DNAH12: variants seen among roughly 807,000 people sequenced by gnomAD.
DNAH12 encodes the protein axonemal beta dynein heavy chain 12.
In DNAH12, 285 loss-of-function variants were observed where a neutral mutation model predicts 371.5. The observed-to-expected ratio is 0.77, with a 90% confidence interval of 0.70 to 0.85. The LOEUF is 0.85. Ranked by LOEUF, DNAH12 falls within the 40% of genes least tolerant of loss-of-function variation. DNAH12 has a pLI of 0.00. For synonymous variants in DNAH12, 1,200 were observed against 1,213.0 expected (o/e 0.99, Z 0.22); for missense variants, 3,611 against 3,689.4 (o/e 0.98, Z 0.55).
chr3:57,483,789 A>T (rs1226641877), intron 12 of DNAH12, among the ~76,000 whole-genome samples: 1 of 151,296 alleles, frequency 6.6e-6, no homozygotes, highest in Non-Finnish European at 1.5e-5. Flanking sequence ...CTACAAAAAA[A>T]AAAAATACAA....
At chr3:57,483,582 T>C (rs777301132) in intron 12 of DNAH12, 71 bp from the exon 13 acceptor site, 61 of 1,407,528 alleles carry the variant, frequency 4.3e-5, no homozygotes, top group Middle Eastern at 2.0e-4. Context: ...ATGTGTGTTA[T>C]GACGATTACT....
At chr3:57,341,702 G>C (rs2062403372) in intron 60 of DNAH12, among the ~76,000 whole-genome samples, 1 of 151,470 alleles carries the variant, frequency 6.6e-6, no homozygotes, top group South Asian at 2.1e-4. Flanking sequence ...GTGATCAAAA[G>C]ATTCAATGCA....
intron 2 of DNAH12, among the ~76,000 whole-genome samples, chr3:57,540,859 G>C (rs937132884): frequency 6.6e-6 from 1 of 151,908 alleles, no homozygotes; most frequent in Non-Finnish European, 1.5e-5. Flanking sequence ...GAGTCCAGGA[G>C]GTTGAGGCTC....
At chr3:57,307,910 A>T (rs1020134463) in intron 69 of DNAH12, among the ~76,000 whole-genome samples, 1 of 152,164 alleles carries the variant, frequency 6.6e-6, no homozygotes, top group Admixed American at 6.5e-5. Flanking sequence ...AAGGCAGGCT[A>T]TGCTATAGTA....
chr3:57,336,621 C>T lies in DNAH12; in HGVS notation c.9675-1681G>A, dbSNP rs147353605. 5.3e-3 allele frequency among the ~76,000 whole-genome samples: 804 copies of T among 151,962 alleles called. 10 individuals carry two copies. The highest frequency in any genetic ancestry group is 0.019 in the African/African-American group (781 of 41,424). On this transcript the variant is annotated intron_variant, in intron 60 of 73. Transcript: ENST00000495027. ...AGATAATTGGAACTCTGGATCTACA[C>T]CAAAGAATAAAGAACAATAGAAATG...
chr3:57,496,474 C>T (rs868122091), intron 11 of DNAH12, among the ~76,000 whole-genome samples: 3 of 152,018 alleles, frequency 2.0e-5, no homozygotes, highest in Non-Finnish European at 4.4e-5. Context: ...CAGCGCCCTC[C>T]CATGATAAAA....
intron 66 of DNAH12, among the ~76,000 whole-genome samples, chr3:57,311,649 A>G (rs1287037599): frequency 6.6e-6 from 1 of 152,176 alleles, no homozygotes; most frequent in Admixed American, 6.5e-5. Flanking sequence ...ATTGGGTAGA[A>G]GCCTGGGCTG....
At chr3:57,395,092 A>C (rs2063709670) in intron 43 of DNAH12, among the ~76,000 whole-genome samples, 1 of 152,200 alleles carries the variant, frequency 6.6e-6, no homozygotes, top group East Asian at 1.9e-4. Flanking sequence ...ATCATCTCCT[A>C]TTTTATTATG....
intron 60 of DNAH12, among the ~76,000 whole-genome samples, chr3:57,348,382 C>A (rs1248641156): frequency 2.0e-5 from 3 of 152,078 alleles, no homozygotes; most frequent in Non-Finnish European, 4.4e-5. Context: ...AAATAGAACA[C>A]AGAGGATTTT....
At chr3:57,390,424 A>AAAAAAAAAAAAATATAT in intron 45 of DNAH12, among the ~76,000 whole-genome samples, 2 of 33,440 alleles carry the variant, frequency 6.0e-5, no homozygotes, top group African/African-American at 1.3e-4. Context: ...AAAAAAAAAA[A>AAAAAAAAAAAAATATAT]ATATATATAT....
At chr3:57,437,604 G>C (rs968835200) in intron 29 of DNAH12, among the ~76,000 whole-genome samples, 11 of 152,294 alleles carry the variant, frequency 7.2e-5, no homozygotes, top group African/African-American at 2.6e-4. Flanking sequence ...GCCTGCTATA[G>C]ACAGAAGGAC....
chr3:57,353,915 T>C (rs1415518521), intron 59 of DNAH12, among the ~76,000 whole-genome samples: 1 of 152,224 alleles, frequency 6.6e-6, no homozygotes, highest in African/African-American at 2.4e-5. Flanking sequence ...GGAACACTTA[T>C]ACACTGCTGG....
intron 13 of DNAH12, among the ~76,000 whole-genome samples, chr3:57,477,624 TCCTCAAGTGGGTCCCTGA>T (rs1265887846): frequency 6.6e-6 from 1 of 152,090 alleles, no homozygotes; most frequent in Non-Finnish European, 1.5e-5. Context: ...ACAGACTGCC[TCCTCAAGTGGGTCCCTGA>T]CCCCCGAGTA....
At chr3:57,401,826 C>T (rs1442620755) in intron 43 of DNAH12, among the ~76,000 whole-genome samples, 4 of 151,788 alleles carry the variant, frequency 2.6e-5, no homozygotes, top group African/African-American at 4.8e-5. Context: ...ACAACCAATG[C>T]CACAGAAATA....
chr3:57,302,565 G>GTTTTTTTTT (rs1407756841), intron 69 of DNAH12, among the ~76,000 whole-genome samples: 6 of 28,842 alleles, frequency 2.1e-4, no homozygotes, highest in Admixed American at 6.4e-4. Flanking sequence ...ATATATATAT[G>GTTTTTTTTT]TATTTTTTTT....
chr3:57,540,394 A>C (rs1382720932), intron 2 of DNAH12, among the ~76,000 whole-genome samples: 1 of 152,158 alleles, frequency 6.6e-6, no homozygotes, highest in Admixed American at 6.6e-5. Context: ...GTAACAGCAG[A>C]TACTTACTAT....
intron 17 of DNAH12, among the ~76,000 whole-genome samples, chr3:57,463,509 T>G (rs1179568498): frequency 1.3e-5 from 2 of 152,130 alleles, no homozygotes; most frequent in East Asian, 1.9e-4. Context: ...CCTATTTTAT[T>G]TTTATATGAG....
intron 58 of DNAH12, among the ~76,000 whole-genome samples, chr3:57,358,053 ACT>A (rs2062840786): frequency 6.6e-6 from 1 of 152,038 alleles, no homozygotes; most frequent in Non-Finnish European, 1.5e-5. Context: ...ATTCCAACTC[ACT>A]CTTCTTTCTT....
chr3:57,297,220 G>A (rs781160024), intron 70 of DNAH12: 5 of 509,372 alleles, frequency 9.8e-6, no homozygotes, highest in African/African-American at 3.8e-5. Context: ...ATAGTTTGAA[G>A]AGTCAAATCT....
Sources: gnomAD v4.1 joint callset for allele counts (sites outside exome capture counted in the v4.1 genomes callset) on GRCh38, gnomAD v4.1.1 for gene constraint, MANE v1.5 for transcripts, NCBI Gene and HGNC (gene_info 2026-07-23, HGNC 2026-07-21) for gene names.